Variants in LY96 observed in about 807,000 individuals in gnomAD.
LY96 encodes lymphocyte antigen 96.
Under a neutral mutation model 18.9 loss-of-function variants are expected in LY96, and 18 were observed. The ratio of observed to expected loss-of-function variants is 0.95; its 90% CI spans 0.66 to 1.41. LY96 has a LOEUF of 1.41. Among genes scored for constraint, LY96 ranks in the 40% most tolerant of loss-of-function variants. LY96 has a pLI of 0.00. For synonymous variants in LY96, 66 were observed against 62.6 expected (o/e 1.06, Z -0.26); for missense variants, 175 against 182.4 (o/e 0.96, Z 0.23).
At chr8:73,996,935 G>A (rs1816161483) in intron 1 of LY96, among the ~76,000 whole-genome samples, 1 of 151,864 alleles carries the variant, frequency 6.6e-6, no homozygotes. Context: ...AGTAGAGACG[G>A]GGTTTCACCA....
At chr8:74,017,441 G>A (rs1397273099) in intron 3 of LY96, among the ~76,000 whole-genome samples, 1 of 152,206 alleles carries the variant, frequency 6.6e-6, no homozygotes. Flanking sequence ...TTACCTGAAA[G>A]TGATGGTGAG....
At chr8:74,046,110 C>T in the LY96 span, among the ~76,000 whole-genome samples, 1 of 152,162 alleles carries the variant, frequency 6.6e-6, no homozygotes, top group South Asian at 2.1e-4. Context: ...GAAACCCCAT[C>T]TCTACTAAAA....
chr8:74,061,019 G>T, the LY96 span, among the ~76,000 whole-genome samples: 1 of 152,176 alleles, frequency 6.6e-6, no homozygotes, highest in Non-Finnish European at 1.5e-5. Flanking sequence ...TGTGTTCACA[G>T]GTATAATGCT....
At position 73,996,377 on chromosome 8, in the gene LY96, CTTTCTTTCTTTCTTT is replaced by C. The variant is rs1816138939; in HGVS notation, c.112+4824_112+4838del. Among the ~76,000 whole-genome samples, 40 of 30,232 alleles carry C rather than the reference CTTTCTTTCTTTCTTT, an allele frequency of 1.3e-3. 1 individual carries two copies. Among genetic ancestry groups the C allele is most frequent in the African/African-American group, 3.1e-3 (29 of 9,212 alleles). The allele number at this position is 30,232 out of a possible 152,430, so 19.8% of individuals were successfully genotyped here. ...CCTTCCTTCCTTCCTTCATTCCTTT[CTTTCTTTCTTTCTTT>C]CTTTCTTTCTTTCTTTCTTTCTTTC... On this transcript the variant is annotated intron_variant, in intron 1 of 4. Coordinates refer to ENST00000284818, the MANE Select transcript of LY96 (RefSeq NM_015364.5).
chr8:74,054,673 T>TTTC, the LY96 span, among the ~76,000 whole-genome samples: 1 of 144,686 alleles, frequency 6.9e-6, no homozygotes, highest in South Asian at 2.3e-4. Flanking sequence ...TCTTTCTTTC[T>TTTC]TTTTATTTGA....
chr8:73,993,689 C>T (rs1016044635), intron 1 of LY96, among the ~76,000 whole-genome samples: 1 of 152,198 alleles, frequency 6.6e-6, no homozygotes, highest in East Asian at 1.9e-4. Context: ...GTGATCCGCC[C>T]ACCTTGGCCT....
downstream of LY96, among the ~76,000 whole-genome samples, chr8:74,031,490 G>C (rs540697869): frequency 1.9e-4 from 29 of 152,118 alleles, no homozygotes; most frequent in East Asian, 5.6e-3. Context: ...GCCGGGTGTG[G>C]TGGCGGGCAC....
At chr8:74,040,698 G>GTTTTTTTTT in the LY96 span, among the ~76,000 whole-genome samples, 1 of 109,236 alleles carries the variant, frequency 9.2e-6, no homozygotes, top group Non-Finnish European at 1.8e-5. Context: ...CTATGTGTCT[G>GTTTTTTTTT]TTTTTTTTTT....
At chr8:74,039,294 T>C in the LY96 span, among the ~76,000 whole-genome samples, 1 of 152,202 alleles carries the variant, frequency 6.6e-6, no homozygotes, top group Non-Finnish European at 1.5e-5. Context: ...TTGCAAATAT[T>C]TTCTTTCATT....
At chr8:74,003,189 T>C (rs1816334561) in intron 1 of LY96, among the ~76,000 whole-genome samples, 1 of 140,076 alleles carries the variant, frequency 7.1e-6, no homozygotes, top group Non-Finnish European at 1.6e-5. Context: ...CCCACACCTA[T>C]TGTTGTGGGA....
the LY96 span, among the ~76,000 whole-genome samples, chr8:74,086,521 G>A: frequency 3.3e-5 from 5 of 152,182 alleles, no homozygotes; most frequent in African/African-American, 1.2e-4. Flanking sequence ...TTCTGTAAAA[G>A]TCAGGGGTTC....
intron 4 of LY96, 25 bp from the exon 5 acceptor site, chr8:74,028,931 T>C: frequency 7.2e-7 from 1 of 1,380,536 alleles, no homozygotes; most frequent in Non-Finnish European, 1.0e-6. Context: ...TTTGTATTAC[T>C]TGTATTTCTT....
the LY96 span, among the ~76,000 whole-genome samples, chr8:74,087,162 T>C: frequency 1.3e-5 from 2 of 152,162 alleles, no homozygotes; most frequent in East Asian, 3.8e-4. Flanking sequence ...GGGTTTGCAT[T>C]AGAGTTAACC....
chr8:74,002,081 TTCTTTCTTTCTTTCTCTCTC>T lies in LY96; in HGVS notation c.113-2711_113-2692del, dbSNP rs1390636534. 1.8e-4 allele frequency among the ~76,000 whole-genome samples: 5 copies of T among 27,656 alleles called. 2 individuals are homozygous for T. The highest frequency in any genetic ancestry group is 1.0e-3 in the African/African-American group (5 of 4,958). The allele number at this position is 27,656 out of a possible 152,430, so 18.1% of individuals were successfully genotyped here. A position where few individuals can be genotyped will look rare whatever the true frequency, so the allele number is the denominator to read the frequency against. On this transcript the variant is annotated intron_variant, in intron 1 of 4. Transcript: ENST00000284818. ...TTCCTTCCTTCCTTCCTTCCTTTCT[TTCTTTCTTTCTTTCTCTCTC>T]TCTCTCTCTCTCTCTCTCTCTCTCT... is the stretch of plus-strand genomic sequence containing the variant.
chr8:74,018,018 A>G (rs1236436670), intron 3 of LY96, among the ~76,000 whole-genome samples: 2 of 152,224 alleles, frequency 1.3e-5, no homozygotes, highest in Non-Finnish European at 2.9e-5. Flanking sequence ...ACAAGCTAAC[A>G]TCATAATGAC....
chr8:74,017,034 G>A (rs1242499668), intron 3 of LY96, among the ~76,000 whole-genome samples: 2 of 152,214 alleles, frequency 1.3e-5, no homozygotes, highest in African/African-American at 4.8e-5. Flanking sequence ...ACGGAACAAA[G>A]CTGGATGGAG....
intron 4 of LY96, among the ~76,000 whole-genome samples, chr8:74,027,996 G>A (rs565907234): frequency 7.9e-5 from 12 of 152,274 alleles, no homozygotes; most frequent in African/African-American, 2.2e-4. Flanking sequence ...AATAAAACTC[G>A]ATTGATCCTA....
At chr8:74,095,885 C>G in the LY96 span, among the ~76,000 whole-genome samples, 3 of 152,328 alleles carry the variant, frequency 2.0e-5, no homozygotes, top group South Asian at 6.2e-4. Flanking sequence ...TCCAGACTCA[C>G]AGAGCCAACC....
intron 3 of LY96, among the ~76,000 whole-genome samples, chr8:74,015,171 C>G (rs1333092985): frequency 6.6e-6 from 1 of 152,098 alleles, no homozygotes; most frequent in Non-Finnish European, 1.5e-5. Flanking sequence ...TGCACCACTG[C>G]ACTCCAGCCT....
Sources: gnomAD v4.1 joint callset for allele counts (sites outside exome capture counted in the v4.1 genomes callset) on GRCh38, gnomAD v4.1.1 for gene constraint, MANE v1.5 for transcripts, NCBI Gene and HGNC (gene_info 2026-07-23, HGNC 2026-07-21) for gene names.